The following TAS2R1 variants were observed in gnomAD, a reference collection of about 807,000 sequenced individuals.
The protein encoded by TAS2R1 is taste 2 receptor member 1, also known as taste receptor type 2 member 1.
For synonymous variants in TAS2R1, 141 were observed against 134.2 expected (o/e 1.05, Z -0.35); for missense variants, 370 against 353.4 (o/e 1.05, Z -0.38).
At chr5:9,896,811 A>C in the TAS2R1 span, among the ~76,000 whole-genome samples, 1 of 152,170 alleles carries the variant, frequency 6.6e-6, no homozygotes, top group Non-Finnish European at 1.5e-5. Flanking sequence ...CCAAGCAATA[A>C]ATCCAATCCC....
At chr5:9,870,968 A>C in the TAS2R1 span, among the ~76,000 whole-genome samples, 1 of 152,226 alleles carries the variant, frequency 6.6e-6, no homozygotes, top group Non-Finnish European at 1.5e-5. Context: ...AAGTACCAGA[A>C]GAATATAAGA....
intron 1 of TAS2R1, among the ~76,000 whole-genome samples, chr5:9,687,127 G>C (rs1456025660): frequency 6.6e-6 from 1 of 152,096 alleles, no homozygotes; most frequent in Non-Finnish European, 1.5e-5. Flanking sequence ...ACCATGCCTG[G>C]CTAATTTTGT....
At chr5:9,733,298 T>C in the TAS2R1 span, among the ~76,000 whole-genome samples, 1 of 152,262 alleles carries the variant, frequency 6.6e-6, no homozygotes, top group East Asian at 1.9e-4. Flanking sequence ...GCATTGTCTA[T>C]GGCTGCCTTT....
chr5:9,653,054 C>T (rs1740337992), intron 2 of TAS2R1, among the ~76,000 whole-genome samples: 1 of 152,154 alleles, frequency 6.6e-6, no homozygotes, highest in African/African-American at 2.4e-5. Flanking sequence ...CTACTCCCCA[C>T]CCCAACTGCT....
At chr5:9,655,859 T>C (rs1008213851) in intron 2 of TAS2R1, among the ~76,000 whole-genome samples, 6 of 131,476 alleles carry the variant, frequency 4.6e-5, no homozygotes, top group East Asian at 4.3e-4. Flanking sequence ...GGTTTTCTCT[T>C]TTTTTTTTTT....
Position 9,709,909 on chromosome 5 carries a change from T to A in TAS2R1, c.-242+2263A>T, listed in dbSNP as rs563900958. 3.7e-4 allele frequency among the ~76,000 whole-genome samples: 57 copies of A among 152,376 alleles called. No homozygotes were observed. The East Asian group carries it at 4.8e-3, about 13-fold the overall frequency. ...GGGTGATTTATTATGCAGTGATAGA[T>A]AATGAATTCACTTACTGTGAAACTG... On this transcript the variant is annotated intron_variant, in intron 1 of 2. Transcript: ENST00000506620.
chr5:9,677,682 G>A (rs60378073), intron 1 of TAS2R1, among the ~76,000 whole-genome samples: 2 of 152,024 alleles, frequency 1.3e-5, no homozygotes, highest in Admixed American at 6.5e-5. Context: ...CTAAATGCTG[G>A]CAAGAATGCA....
At chr5:9,869,298 G>A in the TAS2R1 span, among the ~76,000 whole-genome samples, 1 of 152,198 alleles carries the variant, frequency 6.6e-6, no homozygotes, top group Non-Finnish European at 1.5e-5. Flanking sequence ...TTGACTCAAA[G>A]TTTAGCATGG....
At chr5:9,887,026 G>A in the TAS2R1 span, among the ~76,000 whole-genome samples, 3 of 152,102 alleles carry the variant, frequency 2.0e-5, no homozygotes, top group African/African-American at 4.8e-5. Context: ...TTTCTTTTGG[G>A]AATGGAATTG....
chr5:9,810,457 G>A, the TAS2R1 span, among the ~76,000 whole-genome samples: 1 of 152,134 alleles, frequency 6.6e-6, no homozygotes, highest in Non-Finnish European at 1.5e-5. Context: ...CTCACTTCCG[G>A]GGGAGGTTGG....
chr5:9,628,128 T>TTATC lies in TAS2R1; in HGVS notation c.*1001_*1004dup, dbSNP rs35524938. Among the ~76,000 whole-genome samples the TTATC allele has an allele frequency of 0.25, 37,101 of 146,426 alleles. 4,714 individuals carry two copies. The highest frequency in any genetic ancestry group is 0.27 in the African/African-American group (10,547 of 39,378). ...ATACAAGTATATCTATCTCCATAAT[T>TTATC]TATCTATCTATCTATCTATCTATCT... On this transcript the variant is annotated 3_prime_UTR_variant, in exon 1 of 1. Transcript: ENST00000382492.
chr5:9,882,240 A>G, the TAS2R1 span, among the ~76,000 whole-genome samples: 8 of 152,220 alleles, frequency 5.3e-5, no homozygotes, highest in African/African-American at 1.4e-4. Flanking sequence ...GCCATCAAAC[A>G]TATGAAAAAA....
upstream of TAS2R1, among the ~76,000 whole-genome samples, chr5:9,633,293 AT>A (rs775206834): frequency 0.11 from 6,780 of 62,520 alleles, 540 homozygotes; most frequent in African/African-American, 0.24. Flanking sequence ...GTGTGTGTAT[AT>A]TATATATATA....
chr5:9,686,056 G>A (rs1352694067), intron 1 of TAS2R1, among the ~76,000 whole-genome samples: 3 of 152,006 alleles, frequency 2.0e-5, no homozygotes, highest in Non-Finnish European at 4.4e-5. Context: ...GTAGAGACAG[G>A]GTTTCGCCAT....
the TAS2R1 span, among the ~76,000 whole-genome samples, chr5:9,753,700 A>G: frequency 2.6e-5 from 4 of 152,196 alleles, no homozygotes; most frequent in African/African-American, 9.7e-5. Flanking sequence ...TTAAGTCTTC[A>G]ATCCATCTTG....
chr5:9,688,928 G>C (rs1741181269), intron 1 of TAS2R1, among the ~76,000 whole-genome samples: 2 of 152,084 alleles, frequency 1.3e-5, no homozygotes, highest in African/African-American at 4.8e-5. Context: ...CTTTGGTATT[G>C]GCCAGAAATT....
the TAS2R1 span, among the ~76,000 whole-genome samples, chr5:9,808,839 G>A: frequency 8.5e-5 from 13 of 152,142 alleles, no homozygotes; most frequent in Admixed American, 5.9e-4. Context: ...CATTTCAATA[G>A]GTCAGAATGT....
the TAS2R1 span, among the ~76,000 whole-genome samples, chr5:9,869,360 G>C: frequency 1.3e-5 from 2 of 152,192 alleles, no homozygotes. Flanking sequence ...CAAAGGCATG[G>C]TGGCAGGCAA....
At chr5:9,798,957 C>A in the TAS2R1 span, among the ~76,000 whole-genome samples, 1 of 152,212 alleles carries the variant, frequency 6.6e-6, no homozygotes, top group East Asian at 1.9e-4. Flanking sequence ...ACCTCTCAGG[C>A]AGGCATATAC....
Sources: allele counts gnomAD v4.1 joint callset (sites outside exome capture counted in the v4.1 genomes callset), GRCh38; gene constraint gnomAD v4.1.1; transcripts MANE v1.5; gene names NCBI Gene and HGNC (gene_info 2026-07-23, HGNC 2026-07-21).